The following C17orf75 variants were observed in gnomAD, a reference collection of about 807,000 sequenced individuals.
The protein encoded by C17orf75 is chromosome 17 open reading frame 75.
A neutral mutation model predicts 49.6 loss-of-function variants in C17orf75; 32 were observed. The observed-to-expected ratio is 0.65, with a 90% confidence interval of 0.49 to 0.87. The LOEUF is 0.87. Ranked by LOEUF, C17orf75 falls within the 40% of genes least tolerant of loss-of-function variation. The pLI is 0.00. For missense variants in C17orf75, 428 were observed against 473.9 expected, an observed-to-expected ratio of 0.90 and a Z score of 0.90; for synonymous variants, 158 against 159.5, an observed-to-expected ratio of 0.99 and a Z score of 0.07.
In C17orf75 at chr17:32,330,466, A is replaced by C. The variant is rs1370362741; in HGVS notation, c.*1297T>G. ...AGAACACAAGACTTCTGTTCTTCTA[A>C]GCAAAAATCATTATCAAATGAATTT... On this transcript the variant is annotated 3_prime_UTR_variant, in exon 10 of 10. Transcript: ENST00000577809. 1 of 152,216 alleles carries C rather than the reference A, an allele frequency of 6.6e-6. No individual in the cohort carries two copies. The highest frequency in any genetic ancestry group is 1.9e-4 in the East Asian group (1 of 5,198). The allele number at this position is 152,216 out of a possible 1,614,324, so 9.4% of individuals were successfully genotyped here. A position where few individuals can be genotyped will look rare whatever the true frequency, so the allele number is the denominator to read the frequency against.
chr17:32,347,212 C>T (rs1217266324), intron 1 of C17orf75, among the ~76,000 whole-genome samples: 8 of 152,296 alleles, frequency 5.3e-5, no homozygotes, highest in East Asian at 3.9e-4. Context: ...CAACCCACAT[C>T]GGCCTCCCAA....
At chr17:32,338,046 T>A in intron 4 of C17orf75, 92 bp from the exon 5 acceptor site, 2 of 1,519,644 alleles carry the variant, frequency 1.3e-6, no homozygotes, top group Non-Finnish European at 1.8e-6. Context: ...TAATGTGAGC[T>A]GCAAATGCAA....
At position 32,333,488 on chromosome 17, in the gene C17orf75, C is replaced by T; in HGVS notation, c.904G>A (p.Ala302Thr). 1 of 1,613,458 alleles carries T rather than the reference C, an allele frequency of 6.2e-7. No individual in the cohort carries two copies. Among genetic ancestry groups the T allele is most frequent in the Non-Finnish European group, 8.5e-7 (1 of 1,179,724 alleles). Residue 302 changes from alanine to threonine, a missense_variant, in exon 9 of 10, where the codon GCT becomes ACT. Transcript: ENST00000577809. The stretch of plus-strand genomic sequence containing the variant: ...CCTCCTTTGGCACCATTTAAAAAAG[C>T]TTGCATCCAATCCTCACAAAACCGG... ...SNRFCEDWMQAFLNGAKGGNP... is the reference protein window; with the variant it reads ...SNRFCEDWMQTFLNGAKGGNP...
chr17:32,333,839 T>TA (rs1470576575), intron 8 of C17orf75, among the ~76,000 whole-genome samples: 2 of 152,216 alleles, frequency 1.3e-5, no homozygotes, highest in Admixed American at 1.3e-4. Flanking sequence ...AAAAACAGTG[T>TA]GCTCACCACA....
chr17:32,338,391 A>C, intron 3 of C17orf75, 40 bp from the exon 4 acceptor site: 1 of 1,577,680 alleles, frequency 6.3e-7, no homozygotes, highest in Non-Finnish European at 8.6e-7. Flanking sequence ...TATTTTGGTT[A>C]CTCATGCATC....
chr17:32,349,164 C>A (rs534255328), intron 1 of C17orf75, among the ~76,000 whole-genome samples: 1 of 152,006 alleles, frequency 6.6e-6, no homozygotes, highest in Non-Finnish European at 1.5e-5. Flanking sequence ...CAACCGCGCC[C>A]GGCTATCAGC....
rs1219469789 is a variant in C17orf75, at chr17:32,329,026, C to T, written c.*2737G>A. ...ATGACCAAGATATTCAGTTCCATGACACCATTTTCCTTGTCTACAGTAGTG... is the reference window on the plus strand; with the variant it reads ...ATGACCAAGATATTCAGTTCCATGATACCATTTTCCTTGTCTACAGTAGTG... On this transcript the variant is annotated 3_prime_UTR_variant, in exon 10 of 10. Coordinates refer to ENST00000577809, the MANE Select transcript of C17orf75 (RefSeq NM_022344.4). 2.0e-5 allele frequency: 3 copies of T among 151,962 alleles called. No individual in the cohort carries two copies. Among genetic ancestry groups the T allele is most frequent in the African/African-American group, 7.2e-5 (3 of 41,390 alleles). The allele number at this position is 151,962 out of a possible 1,614,324, so 9.4% of individuals were successfully genotyped here. A position where few individuals can be genotyped will look rare whatever the true frequency, so the allele number is the denominator to read the frequency against.
intron 5 of C17orf75, among the ~76,000 whole-genome samples, chr17:32,337,572 A>G (rs1160319583): frequency 6.6e-6 from 1 of 152,082 alleles, no homozygotes; most frequent in Non-Finnish European, 1.5e-5. Context: ...ATCACAGTAT[A>G]TTAATCATTT....
chr17:32,331,730 A>T lies in C17orf75; in HGVS notation c.*33T>A. The T allele has an allele frequency of 6.5e-7, 1 of 1,528,744 alleles. No individual in the cohort carries two copies. Among genetic ancestry groups the T allele is most frequent in the Non-Finnish European group, 9.1e-7 (1 of 1,103,236 alleles). The allele number at this position is 1,528,744 out of a possible 1,614,324, so 94.7% of individuals were successfully genotyped here. A position where few individuals can be genotyped will look rare whatever the true frequency, so the allele number is the denominator to read the frequency against. ...TTCAAACACTAAGACTTAAATATAC[A>T]ACTTGATCATACAATTATCTCAAAA... On this transcript the variant is annotated 3_prime_UTR_variant, in exon 10 of 10. Transcript: ENST00000577809.
chr17:32,334,361 T>C (rs1378999642), intron 8 of C17orf75, 108 bp downstream of exon 8: 1 of 1,355,790 alleles, frequency 7.4e-7, no homozygotes, highest in African/African-American at 1.5e-5. Flanking sequence ...GAGATAACCA[T>C]GTAAAACTGC....
rs559720113 is a variant in C17orf75, at chr17:32,336,008, C to T, written c.550-566G>A. ...ATCTGGCTTTCTAGGCTATACTGCTCCCTGAAGACTAGTGTCACACACGAA... is the reference window on the plus strand; with the variant it reads ...ATCTGGCTTTCTAGGCTATACTGCTTCCTGAAGACTAGTGTCACACACGAA... On this transcript the variant is annotated intron_variant, in intron 5 of 9. Coordinates refer to ENST00000577809, the MANE Select transcript of C17orf75 (RefSeq NM_022344.4). Among the ~76,000 whole-genome samples the T allele has an allele frequency of 1.1e-4, 17 of 152,306 alleles. No homozygotes were observed. In the South Asian group the frequency reaches 3.5e-3, roughly 32 times the overall value.
At chr17:32,344,722 T>G (rs765179566), upstream of C17orf75, among the ~76,000 whole-genome samples, 13 of 151,216 alleles carry the variant, frequency 8.6e-5, no homozygotes, top group Non-Finnish European at 4.4e-5. Context: ...GCCTGGCCAA[T>G]ATGGTGAAAT....
At chr17:32,341,147 C>A in intron 2 of C17orf75, 57 bp downstream of exon 2, 1 of 1,558,716 alleles carries the variant, frequency 6.4e-7, no homozygotes, top group Non-Finnish European at 8.8e-7. Context: ...CATGTACAGG[C>A]CAGAGATGCA....
At chr17:32,337,143 T>C (rs1473889228) in intron 5 of C17orf75, among the ~76,000 whole-genome samples, 1 of 150,608 alleles carries the variant, frequency 6.6e-6, no homozygotes, top group Non-Finnish European at 1.5e-5. Flanking sequence ...TGAGACCCTA[T>C]CTCAAAAAAT....
chr17:32,339,596 T>A (rs923108259), intron 3 of C17orf75, among the ~76,000 whole-genome samples: 6 of 151,676 alleles, frequency 4.0e-5, no homozygotes, highest in East Asian at 3.9e-4. Context: ...CAAAAAAAAA[T>A]AAACTAATTA....
upstream of C17orf75, chr17:32,342,220 C>T (rs1038161892): frequency 2.1e-6 from 3 of 1,401,320 alleles, no homozygotes; most frequent in East Asian, 6.1e-5. Flanking sequence ...AGGGCTCGTC[C>T]GGCTCCCGGC....
At chr17:32,339,094 A>AAAAAC (rs935600903) in intron 3 of C17orf75, among the ~76,000 whole-genome samples, 3 of 152,072 alleles carry the variant, frequency 2.0e-5, no homozygotes, top group African/African-American at 4.8e-5. Context: ...CTGTCTTAAA[A>AAAAAC]AAAACAAAAC....
At chr17:32,342,291 G>T, upstream of C17orf75, 1 of 1,284,274 alleles carries the variant, frequency 7.8e-7, no homozygotes, top group Non-Finnish European at 1.0e-6. Flanking sequence ...GGCCTGGAAA[G>T]GGAGTCTCTT....
chr17:32,336,192 A>G (rs2041324160), intron 5 of C17orf75, among the ~76,000 whole-genome samples: 1 of 152,156 alleles, frequency 6.6e-6, no homozygotes, highest in Non-Finnish European at 1.5e-5. Flanking sequence ...ATGACTAACA[A>G]CTGCTACAAG....
Sources: allele counts gnomAD v4.1 joint callset (sites outside exome capture counted in the v4.1 genomes callset), GRCh38; gene constraint gnomAD v4.1.1; transcripts MANE v1.5; gene names NCBI Gene and HGNC (gene_info 2026-07-23, HGNC 2026-07-21).